ZNF268: variants seen among roughly 807,000 people sequenced by gnomAD.
ZNF268 encodes the protein zinc finger protein 268, also known as zinc finger protein 3.
A neutral mutation model predicts 29.3 loss-of-function variants in ZNF268; 20 were observed. The ratio of observed to expected loss-of-function variants is 0.68; its 90% CI spans 0.48 to 0.99. ZNF268 has a LOEUF of 0.99. Among genes scored for constraint, ZNF268 ranks in the 50% least tolerant of loss-of-function variants. The pLI is 0.00. For missense variants in ZNF268, 1,240 were observed against 1,121.6 expected (o/e 1.11, Z -1.51); for synonymous variants, 429 against 376.9 (o/e 1.14, Z -1.60).
rs1956891850 is a variant in ZNF268 at position 133,205,976 on chromosome 12, T to G, written c.*1446T>G. Reference sequence around the variant, plus strand: ...TTGATGTAATAAGTAGCTATTTCAATAGAGGTTCCCAGAACAGCTTTTGTT... The same window carrying G: ...TTGATGTAATAAGTAGCTATTTCAAGAGAGGTTCCCAGAACAGCTTTTGTT... On this transcript the variant is annotated 3_prime_UTR_variant, in exon 6 of 6. Coordinates refer to ENST00000536435, the MANE Select transcript of ZNF268 (RefSeq NM_003415.3). 6.6e-6 allele frequency: 1 copy of G among 152,206 alleles called. No individual in the cohort carries two copies. The highest frequency in any genetic ancestry group is 2.1e-4 in the South Asian group (1 of 4,830). 9.4% of individuals were successfully genotyped at this position (152,206 alleles called of 1,614,324 possible).
intron 2 of ZNF268, 119 bp from the exon 3 acceptor site, chr12:133,187,753 A>C (rs957163688): frequency 1.9e-5 from 19 of 981,000 alleles, no homozygotes; most frequent in Non-Finnish European, 2.5e-5. Context: ...GCATTTCCTG[A>C]AGTTAAACCT....
At chr12:133,195,128 A>G (rs752984314) in intron 5 of ZNF268, among the ~76,000 whole-genome samples, 13 of 152,266 alleles carry the variant, frequency 8.5e-5, no homozygotes, top group South Asian at 4.1e-4. Flanking sequence ...CCTTGTCACA[A>G]TTTCTTTCTG....
At position 133,191,404 on chromosome 12, in the gene ZNF268, A is replaced by G. The variant is rs927352170; in HGVS notation, c.235-85A>G. ...ACAATTTTTGTTCTCACAAAGTTAAACATAAATAATGGACACCCTAAACAG... is the reference window on the plus strand; with the variant it reads ...ACAATTTTTGTTCTCACAAAGTTAAGCATAAATAATGGACACCCTAAACAG... On this transcript the variant is annotated intron_variant, in intron 3 of 5. Coordinates refer to ENST00000536435, the MANE Select transcript of ZNF268 (RefSeq NM_003415.3). 2.9e-5 allele frequency: 44 copies of G among 1,520,564 alleles called. No homozygotes were observed. The Admixed American group carries it at 8.0e-4, about 28-fold the overall frequency. 94.2% of individuals were successfully genotyped at this position (1,520,564 alleles called of 1,614,324 possible). A position where few individuals can be genotyped will look rare whatever the true frequency, so the allele number is the denominator to read the frequency against.
intron 2 of ZNF268, among the ~76,000 whole-genome samples, chr12:133,183,762 G>C (rs1411039841): frequency 1.3e-5 from 2 of 152,146 alleles, no homozygotes. Context: ...AGCTCAGGGA[G>C]AATGTGTACC....
Position 133,207,323 on chromosome 12 carries a change from GTGAACATAGGT to G in ZNF268, c.*2795_*2805del. Reference sequence around the variant, plus strand: ...AACATAGGTTTAAAAATCCATATTTGTGAACATAGGTTTAAAAATCCATATTTGTGAACATA... The same window carrying G: ...AACATAGGTTTAAAAATCCATATTTGTTAAAAATCCATATTTGTGAACATA... On this transcript the variant is annotated 3_prime_UTR_variant, in exon 6 of 6. Transcript: ENST00000536435. 1.3e-5 allele frequency: 2 copies of G among 151,630 alleles called. No homozygotes were observed. Among genetic ancestry groups the G allele is most frequent in the Non-Finnish European group, 2.9e-5 (2 of 67,924 alleles). 9.4% of individuals were successfully genotyped at this position (151,630 alleles called of 1,614,324 possible).
At position 133,203,440 on chromosome 12, in the gene ZNF268, A is replaced by G; in HGVS notation, c.1754A>G (p.Glu585Gly). 6.5e-7 allele frequency: 1 copy of G among 1,542,846 alleles called. No individual in the cohort carries two copies. The highest frequency in any genetic ancestry group is 8.7e-7 in the Non-Finnish European group (1 of 1,148,800). ...QRTHAGEKPYECTDCGKAFGL... is the reference protein window; with the variant it reads ...QRTHAGEKPYGCTDCGKAFGL... ...ACTCATGCAGGAGAGAAGCCTTATG[A>G]ATGCACCGACTGTGGAAAGGCTTTT... Residue 585 changes from glutamate (E) to glycine (G), a missense_variant, in exon 6 of 6, where the codon GAA becomes GGA. By Grantham distance (98) the Glu-to-Gly change is moderately conservative. Around this residue, in one of 3 missense-constraint regions of ZNF268, gnomAD observed 1,177 missense variants for 1,039.6 expected, o/e 1.13. Coordinates refer to ENST00000536435, the MANE Select transcript of ZNF268 (RefSeq NM_003415.3).
chr12:133,183,461 C>T (rs1047033808), intron 2 of ZNF268, among the ~76,000 whole-genome samples: 18 of 150,922 alleles, frequency 1.2e-4, no homozygotes, highest in Non-Finnish European at 2.4e-4. Flanking sequence ...GATCGCGCCA[C>T]TGCACTCCAG....
In ZNF268 at chr12:133,190,695, G is replaced by A. The variant is rs145432195; in HGVS notation, c.235-794G>A. Reference sequence around the variant, plus strand: ...GTCTTCTCTTCTGGGTACCAATAGTGCCCTTTCACAGATTTCACCTGACAC... The same window carrying A: ...GTCTTCTCTTCTGGGTACCAATAGTACCCTTTCACAGATTTCACCTGACAC... On this transcript the variant is annotated intron_variant, in intron 3 of 5. Coordinates refer to ENST00000536435, the MANE Select transcript of ZNF268 (RefSeq NM_003415.3). Among the ~76,000 whole-genome samples, 20 of 152,234 alleles carry A rather than the reference G, an allele frequency of 1.3e-4. No homozygotes were observed. The East Asian group carries it at 3.9e-3, about 29-fold the overall frequency.
At position 133,212,479 on chromosome 12, in the gene ZNF268, A is replaced by G. The variant is rs1190872774; in HGVS notation, c.*7949A>G. 139 of 11,264 alleles carry G rather than the reference A, an allele frequency of 0.012. 1 individual carries two copies. The highest frequency in any genetic ancestry group is 0.049 in the African/African-American group (132 of 2,696). The allele number at this position is 11,264 out of a possible 1,614,324, so 0.7% of individuals were successfully genotyped here. On this transcript the variant is annotated 3_prime_UTR_variant, in exon 6 of 6. Coordinates refer to ENST00000536435, the MANE Select transcript of ZNF268 (RefSeq NM_003415.3). ...TATATATATATATATATATATATAT[A>G]TATATATATATATATATATGTATAT...
chr12:133,187,346 A>G (rs992169713), intron 2 of ZNF268, among the ~76,000 whole-genome samples: 7 of 151,908 alleles, frequency 4.6e-5, no homozygotes, highest in Admixed American at 1.3e-4. Context: ...CTAAGCATCT[A>G]CTTTCTAGGC....
chr12:133,184,816 G>A, intron 2 of ZNF268: 2 of 367,838 alleles, frequency 5.4e-6, no homozygotes, highest in South Asian at 3.7e-5. Flanking sequence ...TCACAATGGG[G>A]GTTAAGTTTC....
chr12:133,203,329 G>A lies in ZNF268; in HGVS notation c.1643G>A (p.Arg548Lys). ...SFKSQLIIHQ[R>K]IHTGENPYEC... ...AAATCACAGCTCATTATACATCAGAGGATTCATACAGGAGAGAACCCCTAT... is the reference window on the plus strand; with the variant it reads ...AAATCACAGCTCATTATACATCAGAAGATTCATACAGGAGAGAACCCCTAT... Residue 548 changes from arginine to lysine, a missense_variant, in exon 6 of 6, where the codon AGG (arginine) becomes AAG (lysine). Physicochemically the swap from Arg to Lys is conservative, Grantham distance 26 (BLOSUM62 2). This residue lies in a region of ZNF268 where 1,177 missense variants were observed against 1,039.6 expected (regional missense o/e 1.13). Transcript: ENST00000536435. The A allele has an allele frequency of 1.3e-6, 2 of 1,545,752 alleles. No homozygotes were observed. Among genetic ancestry groups the A allele is most frequent in the Non-Finnish European group, 1.7e-6 (2 of 1,150,022 alleles).
rs1956994058 is a variant in ZNF268 at position 133,212,411 on chromosome 12, G to A, written c.*7881G>A. On this transcript the variant is annotated 3_prime_UTR_variant, in exon 6 of 6. Coordinates refer to ENST00000536435, the MANE Select transcript of ZNF268 (RefSeq NM_003415.3). Reference sequence around the variant, plus strand: ...TTTCATCACACATGAAATTATTTCAGGATCAGTTCCAAGGGAGACTTTCAT... The same window carrying A: ...TTTCATCACACATGAAATTATTTCAAGATCAGTTCCAAGGGAGACTTTCAT... The A allele has an allele frequency of 7.2e-6, 1 of 138,418 alleles. No homozygotes were observed. Among genetic ancestry groups the A allele is most frequent in the African/African-American group, 2.6e-5 (1 of 38,096 alleles). The allele number at this position is 138,418 out of a possible 1,614,324, so 8.6% of individuals were successfully genotyped here. A position where few individuals can be genotyped will look rare whatever the true frequency, so the allele number is the denominator to read the frequency against.
Position 133,204,742 on chromosome 12 carries a change from A to C in ZNF268, c.*212A>C, listed in dbSNP as rs1956856713. The C allele has an allele frequency of 2.4e-6, 1 of 424,650 alleles. No individual in the cohort carries two copies. The highest frequency in any genetic ancestry group is 4.1e-6 in the Non-Finnish European group (1 of 242,644). 26.3% of individuals were successfully genotyped at this position (424,650 alleles called of 1,614,324 possible). Reference sequence around the variant, plus strand: ...GACAATACACAGGAAAACTGAATTTAGTAACCACTCTGAAAATTTTTAGCA... The same window carrying C: ...GACAATACACAGGAAAACTGAATTTCGTAACCACTCTGAAAATTTTTAGCA... On this transcript the variant is annotated 3_prime_UTR_variant, in exon 6 of 6. Transcript: ENST00000536435.
rs778030214 is a variant in ZNF268, at chr12:133,191,589, A to C, written c.335A>C (p.Glu112Ala). The C allele has an allele frequency of 1.9e-6, 3 of 1,613,996 alleles. No homozygotes were observed. In the African/African-American group the frequency reaches 4.0e-5, roughly 22 times the overall value. ...TGCCTGTACAGGAGTGTGATGTTGG[A>C]GAACTATAGCAACCTGGTGTCCCTA... ...QKCLYRSVML[E>A]NYSNLVSLGY... is the part of the protein sequence containing the mutation. Residue 112 changes from glutamate (E) to alanine (A), a missense_variant, in exon 4 of 6, where the codon GAG (glutamate) becomes GCG (alanine). By Grantham distance (107) the Glu-to-Ala change is moderately radical. This residue lies in a region of ZNF268 where 1,177 missense variants were observed against 1,039.6 expected (regional missense o/e 1.13). Coordinates refer to ENST00000536435, the MANE Select transcript of ZNF268 (RefSeq NM_003415.3).
intron 5 of ZNF268, among the ~76,000 whole-genome samples, chr12:133,201,793 A>G (rs1187641607): frequency 6.6e-6 from 1 of 152,098 alleles, no homozygotes; most frequent in African/African-American, 2.4e-5. Flanking sequence ...ATAGATCCCT[A>G]ATGACATGTT....
chr12:133,202,659 A>C lies in ZNF268; in HGVS notation c.973A>C (p.Ile325Leu). 1 of 1,606,788 alleles carries C rather than the reference A, an allele frequency of 6.2e-7. No homozygotes were observed. Among genetic ancestry groups the C allele is most frequent in the Non-Finnish European group, 8.5e-7 (1 of 1,176,208 alleles). ...SKSYLIVHQR[I>L]HTGEKLHECS... Reference sequence around the variant, plus strand: ...ATCATACCTCATTGTACATCAGAGAATTCATACAGGAGAGAAACTACATGA... The same window carrying C: ...ATCATACCTCATTGTACATCAGAGACTTCATACAGGAGAGAAACTACATGA... The change falls in exon 6 of 6, where the codon ATT becomes CTT. Residue 325 changes from isoleucine to leucine, a missense_variant. This residue lies in a region of ZNF268 where 1,177 missense variants were observed against 1,039.6 expected (regional missense o/e 1.13). Coordinates refer to ENST00000536435, the MANE Select transcript of ZNF268 (RefSeq NM_003415.3).
Position 133,203,749 on chromosome 12 carries a change from G to A in ZNF268, c.2063G>A (p.Arg688Lys). The change falls in exon 6 of 6, where the codon AGA (arginine) becomes AAA (lysine). Residue 688 changes from arginine to lysine, a missense_variant. Arg to Lys is a conservative substitution (Grantham distance 26). This residue lies in a region of ZNF268 where 1,177 missense variants were observed against 1,039.6 expected (regional missense o/e 1.13). Transcript: ENST00000536435. The stretch of plus-strand genomic sequence containing the variant: ...AAGTCCCAGCTCATTGTACATCAGA[G>A]AAGTCACACAGGAGTAAAACCATAT... ...SLKSQLIVHQ[R>K]SHTGVKPYGC... 6.4e-7 allele frequency: 1 copy of A among 1,559,714 alleles called. No homozygotes were observed. The highest frequency in any genetic ancestry group is 1.4e-5 in the African/African-American group (1 of 73,754).
At chr12:133,187,212 G>A (rs958348786) in intron 2 of ZNF268, among the ~76,000 whole-genome samples, 1 of 151,188 alleles carries the variant, frequency 6.6e-6, no homozygotes, top group African/African-American at 2.4e-5. Context: ...CACCTGTGCC[G>A]CCTTCTAGGT....
Sources: allele counts gnomAD v4.1 joint callset (sites outside exome capture counted in the v4.1 genomes callset), GRCh38; gene constraint gnomAD v4.1.1; regional missense constraint gnomAD v4.1.1; transcripts MANE v1.5; gene names NCBI Gene and HGNC (gene_info 2026-07-23, HGNC 2026-07-21).